The following CALN1 variants were observed in gnomAD, a reference collection of about 807,000 sequenced individuals.
The protein encoded by CALN1 is calcium-binding protein 8.
Under a neutral mutation model 30.6 loss-of-function variants are expected in CALN1, and 17 were observed. The ratio of observed to expected loss-of-function variants is 0.56; its 90% confidence interval spans 0.38 to 0.83. CALN1 has a LOEUF of 0.83. Ranked by LOEUF, CALN1 falls within the 40% of genes least tolerant of loss-of-function variation. The pLI is 0.00. For missense variants in CALN1, 291 were observed against 354.9 expected (o/e 0.82, Z 1.45); for synonymous variants, 156 against 131.4 (o/e 1.19, Z -1.28).
intron 5 of CALN1, among the ~76,000 whole-genome samples, chr7:71,946,521 A>G (rs935733585): frequency 2.6e-5 from 4 of 151,892 alleles, no homozygotes; most frequent in African/African-American, 7.3e-5. Flanking sequence ...GTGCACGCCA[A>G]CAGACTCAGC....
At chr7:72,408,898 A>C (rs576947149) in intron 1 of CALN1, among the ~76,000 whole-genome samples, 2 of 151,334 alleles carry the variant, frequency 1.3e-5, no homozygotes, top group South Asian at 2.1e-4. Flanking sequence ...GGTTGGTCTC[A>C]AACTCTTGGG....
chr7:72,122,293 T>C (rs1322029007), intron 3 of CALN1, among the ~76,000 whole-genome samples: 1 of 152,100 alleles, frequency 6.6e-6, no homozygotes, highest in Non-Finnish European at 1.5e-5. Context: ...AACAAAATCA[T>C]TTTGTGGATT....
rs141007071 is a variant in CALN1, at chr7:71,947,336, C to G, written c.501+76321G>C. Among the ~76,000 whole-genome samples the G allele has an allele frequency of 3.3e-5, 5 of 152,128 alleles. No individual in the cohort carries two copies. The East Asian group carries it at 5.8e-4, about 18-fold the overall frequency. ...AGTGGGAGTTTTATGTACATTATCT[C>G]AGGCAATGCAACCACATCATGAACT... On this transcript the variant is annotated intron_variant, in intron 5 of 6. Transcript: ENST00000395275.
intron 5 of CALN1, among the ~76,000 whole-genome samples, chr7:71,846,991 C>T (rs898332486): frequency 2.0e-5 from 3 of 147,600 alleles, no homozygotes; most frequent in African/African-American, 5.0e-5. Context: ...TATACACACA[C>T]ATATATATAT....
chr7:72,040,200 A>T (rs1038482702), intron 4 of CALN1, among the ~76,000 whole-genome samples: 2 of 152,062 alleles, frequency 1.3e-5, no homozygotes, highest in Admixed American at 6.6e-5. Flanking sequence ...GAGGCTGGGC[A>T]TGGGTGGTTC....
At position 72,119,705 on chromosome 7, in the gene CALN1, G is replaced by A. The variant is rs929359577; in HGVS notation, c.245-13411C>T. 6.6e-5 allele frequency among the ~76,000 whole-genome samples: 10 copies of A among 152,178 alleles called. No individual in the cohort carries two copies. In the East Asian group the frequency reaches 9.7e-4, roughly 15 times the overall value. ...TGAAAGGCATGTCTTGCATGGTGGCGGCAGGCAAGAGAGAACTTGTGTAGG... is the reference window on the plus strand; with the variant it reads ...TGAAAGGCATGTCTTGCATGGTGGCAGCAGGCAAGAGAGAACTTGTGTAGG... On this transcript the variant is annotated intron_variant, in intron 3 of 6. Transcript: ENST00000395275.
At chr7:71,881,102 G>A (rs755459462) in intron 5 of CALN1, among the ~76,000 whole-genome samples, 8 of 152,130 alleles carry the variant, frequency 5.3e-5, no homozygotes, top group Non-Finnish European at 1.2e-4. Flanking sequence ...TCTTTCTCCC[G>A]TGCTGGATGC....
intron 4 of CALN1, among the ~76,000 whole-genome samples, chr7:72,061,288 C>A (rs1803629620): frequency 6.6e-6 from 1 of 152,306 alleles, no homozygotes; most frequent in African/African-American, 2.4e-5. Context: ...TAAGAAAACA[C>A]AATCACCAGA....
intron 3 of CALN1, among the ~76,000 whole-genome samples, chr7:72,203,783 T>C (rs1791606872): frequency 6.6e-6 from 1 of 152,074 alleles, no homozygotes; most frequent in African/African-American, 2.4e-5. Flanking sequence ...TAATTTGAGG[T>C]CTGAATTTTC....
chr7:72,325,630 ACT>A (rs1392657877), intron 2 of CALN1, among the ~76,000 whole-genome samples: 3 of 152,178 alleles, frequency 2.0e-5, no homozygotes, highest in African/African-American at 4.8e-5. Context: ...CAAGAGTGAA[ACT>A]CTGTCTCAAA....
intron 1 of CALN1, among the ~76,000 whole-genome samples, chr7:72,445,124 A>T (rs986560496): frequency 2.0e-5 from 3 of 151,726 alleles, no homozygotes; most frequent in Non-Finnish European, 2.9e-5. Flanking sequence ...GTTGAAAAGA[A>T]AATTTGACAC....
chr7:72,310,919 A>T (rs1165349624), intron 2 of CALN1, among the ~76,000 whole-genome samples: 15 of 151,364 alleles, frequency 9.9e-5, no homozygotes, highest in African/African-American at 3.4e-4. Context: ...AAAAAAAAAA[A>T]AAAAAAAAAC....
intron 3 of CALN1, among the ~76,000 whole-genome samples, chr7:72,231,776 T>C (rs1794124295): frequency 6.6e-6 from 1 of 152,198 alleles, no homozygotes; most frequent in Non-Finnish European, 1.5e-5. Flanking sequence ...AACTCCTCCC[T>C]TGCTGATAAC....
At chr7:72,405,684 A>G (rs762374120) in intron 1 of CALN1, among the ~76,000 whole-genome samples, 1 of 151,956 alleles carries the variant, frequency 6.6e-6, no homozygotes, top group Non-Finnish European at 1.5e-5. Context: ...TAAGTTAAAC[A>G]GGAGAAGCAA....
rs1792729864 is a variant in CALN1, at chr7:71,781,782, G to T, written c.*5993C>A. On this transcript the variant is annotated 3_prime_UTR_variant, in exon 7 of 7. Coordinates refer to ENST00000395275, the MANE Select transcript of CALN1 (RefSeq NM_031468.4). ...GAGGAAAAGAGATGGGTGAGTCTATGCCCGGCATGGGGGTTGTGCTCAACT... is the reference window on the plus strand; with the variant it reads ...GAGGAAAAGAGATGGGTGAGTCTATTCCCGGCATGGGGGTTGTGCTCAACT... 1 of 152,200 alleles carries T rather than the reference G, an allele frequency of 6.6e-6. No individual in the cohort carries two copies. The allele number at this position is 152,200 out of a possible 1,614,324, so 9.4% of individuals were successfully genotyped here. A position where few individuals can be genotyped will look rare whatever the true frequency, so the allele number is the denominator to read the frequency against.
chr7:72,447,583 T>C (rs1808567690), upstream of CALN1, among the ~76,000 whole-genome samples: 5 of 152,164 alleles, frequency 3.3e-5, no homozygotes, highest in Admixed American at 2.6e-4. Context: ...ACCTGGTCTG[T>C]ACTGTGTGCT....
intron 5 of CALN1, among the ~76,000 whole-genome samples, chr7:71,994,733 C>T (rs1242358841): frequency 1.3e-5 from 2 of 151,982 alleles, no homozygotes; most frequent in Admixed American, 6.6e-5. Flanking sequence ...TGCTGAAATG[C>T]AGAAGGTTTC....
chr7:72,178,634 A>G (rs1789542550), intron 3 of CALN1, among the ~76,000 whole-genome samples: 1 of 151,928 alleles, frequency 6.6e-6, no homozygotes, highest in African/African-American at 2.4e-5. Context: ...GGTTGCAGTG[A>G]GCCGAGATCG....
chr7:71,907,267 CAACTT>C (rs1162360304), intron 5 of CALN1, among the ~76,000 whole-genome samples: 3 of 151,888 alleles, frequency 2.0e-5, no homozygotes, highest in Non-Finnish European at 4.4e-5. Flanking sequence ...CACACACACA[CAACTT>C]AAGGAAGGCT....
Sources: gnomAD v4.1 joint callset for allele counts (sites outside exome capture counted in the v4.1 genomes callset) on GRCh38, gnomAD v4.1.1 for gene constraint, MANE v1.5 for transcripts, NCBI Gene and HGNC (gene_info 2026-07-23, HGNC 2026-07-21) for gene names.